The following CAPN13 variants were observed in gnomAD, a reference collection of about 807,000 sequenced individuals.
CAPN13 encodes calpain-13.
A neutral mutation model predicts 98.4 loss-of-function variants in CAPN13; 90 were observed. The observed-to-expected ratio is 0.92, with a 90% CI of 0.77 to 1.09. The LOEUF (loss-of-function observed/expected upper bound fraction) is 1.09, where lower values mean the gene tolerates loss of function less well. Among genes scored for constraint, CAPN13 ranks in the 50% least tolerant of loss-of-function variants. The pLI, the probability that CAPN13 is intolerant of heterozygous loss-of-function variation, is 0.00. For missense variants in CAPN13, 887 were observed against 841.3 expected, an observed-to-expected ratio of 1.05 and a Z score of -0.67; for synonymous variants, 330 against 305.5, an observed-to-expected ratio of 1.08 and a Z score of -0.84.
intron 5 of CAPN13, among the ~76,000 whole-genome samples, chr2:30,765,583 G>A (rs141477779): frequency 7.9e-4 from 120 of 152,298 alleles, no homozygotes; most frequent in African/African-American, 2.5e-3. Flanking sequence ...CCTGCCCTTG[G>A]CCTTTCATCT....
chr2:30,742,971 C>G (rs1468368538), intron 13 of CAPN13, among the ~76,000 whole-genome samples: 2 of 152,206 alleles, frequency 1.3e-5, no homozygotes, highest in Non-Finnish European at 2.9e-5. Flanking sequence ...CTCCAAGCAG[C>G]CCTGTGCACA....
intron 1 of CAPN13, among the ~76,000 whole-genome samples, chr2:30,798,455 C>G (rs911382866): frequency 6.6e-6 from 1 of 152,234 alleles, no homozygotes; most frequent in African/African-American, 2.4e-5. Context: ...CACTAAACCA[C>G]TCAGTGACTT....
chr2:30,731,574 C>T (rs951717166), intron 20 of CAPN13, among the ~76,000 whole-genome samples, 175 bp from the exon 21 acceptor site: 12 of 152,154 alleles, frequency 7.9e-5, no homozygotes, highest in South Asian at 2.1e-4. Context: ...GAGCTCTGCA[C>T]GGGGCGAGTG....
At chr2:30,803,694 G>A (rs184790935) in intron 1 of CAPN13, among the ~76,000 whole-genome samples, 110 of 152,268 alleles carry the variant, frequency 7.2e-4, no homozygotes, top group African/African-American at 2.6e-3. Context: ...CACCAGAGAG[G>A]GCGGCAGTGG....
intron 5 of CAPN13, among the ~76,000 whole-genome samples, chr2:30,768,318 C>T (rs920558725): frequency 6.6e-6 from 1 of 152,208 alleles, no homozygotes; most frequent in Non-Finnish European, 1.5e-5. Context: ...AAGACAGAGG[C>T]ACAAGGCCAG....
intron 1 of CAPN13, among the ~76,000 whole-genome samples, chr2:30,802,657 G>A (rs928981063): frequency 6.6e-6 from 1 of 152,042 alleles, no homozygotes; most frequent in Admixed American, 6.6e-5. Flanking sequence ...CAAGGACTGA[G>A]GGCAAGAAGG....
intron 6 of CAPN13, among the ~76,000 whole-genome samples, chr2:30,763,722 G>A (rs1672960552): frequency 6.6e-6 from 1 of 152,246 alleles, no homozygotes; most frequent in Non-Finnish European, 1.5e-5. Context: ...GTGAGCATCA[G>A]AGGGCCCTGG....
intron 5 of CAPN13, among the ~76,000 whole-genome samples, chr2:30,768,604 C>T (rs1217475450): frequency 6.6e-6 from 1 of 152,136 alleles, no homozygotes; most frequent in African/African-American, 2.4e-5. Flanking sequence ...CCGCCTTCCC[C>T]CTTCATAATA....
intron 14 of CAPN13, 39 bp from the exon 15 acceptor site, chr2:30,742,003 G>A: frequency 6.3e-7 from 1 of 1,585,250 alleles, no homozygotes; most frequent in South Asian, 1.1e-5. Context: ...AGACTTCTGG[G>A]GAAGGAGGCC....
At position 30,743,503 on chromosome 2, in the gene CAPN13, C is replaced by T. The variant is rs771712940; in HGVS notation, c.1325G>A (p.Arg442His). 1.3e-5 allele frequency: 21 copies of T among 1,613,604 alleles called. No homozygotes were observed. Among genetic ancestry groups the T allele is most frequent in the South Asian group, 3.3e-5 (3 of 91,082 alleles). The part of the protein sequence containing the change: ...NTVQSSNNKF[R>H]RNFTMTYHLS... Reference sequence around the variant, plus strand: ...ATGGTAAGTCATGGTGAAGTTGCGGCGGAATTTATTATTTGAGCTTTGGAC... The same window carrying T: ...ATGGTAAGTCATGGTGAAGTTGCGGTGGAATTTATTATTTGAGCTTTGGAC... The change falls in exon 13 of 23, where the codon CGC becomes CAC. Residue 442 changes from arginine (R) to histidine (H), a missense_variant. Transcript: ENST00000295055.
chr2:30,740,104 T>G (rs900809646), intron 15 of CAPN13, among the ~76,000 whole-genome samples: 11 of 149,076 alleles, frequency 7.4e-5, no homozygotes, highest in South Asian at 2.2e-4. Flanking sequence ...TTTTTTTTTT[T>G]TTTTTTTTGA....
At chr2:30,731,564 G>T (rs147658377) in intron 20 of CAPN13, among the ~76,000 whole-genome samples, 165 bp from the exon 21 acceptor site, 1 of 152,114 alleles carries the variant, frequency 6.6e-6, no homozygotes, top group African/African-American at 2.4e-5. Context: ...CTGTCTAGCC[G>T]AGCTCTGCAC....
chr2:30,800,910 C>T (rs1276995746), intron 1 of CAPN13, among the ~76,000 whole-genome samples: 1 of 152,182 alleles, frequency 6.6e-6, no homozygotes, highest in Non-Finnish European at 1.5e-5. Context: ...ACATGAGTCT[C>T]AGAAACACTG....
chr2:30,758,073 GCC>G lies in CAPN13; in HGVS notation c.837_838del (p.Glu279AspfsTer9). ...ATCACTCCAGCGCCCTCTCCATTCG[GCC>G]TCGCCCCAGCCCCAGGGGTTCCACA... On this transcript the variant is annotated frameshift_variant, in exon 8 of 23. Coordinates refer to ENST00000295055, the MANE Select transcript of CAPN13 (RefSeq NM_144575.3). LOFTEE classifies it high-confidence loss of function. The G allele has an allele frequency of 6.2e-7, 1 of 1,611,618 alleles. No homozygotes were observed. The highest frequency in any genetic ancestry group is 8.5e-7 in the Non-Finnish European group (1 of 1,178,966).
At chr2:30,775,782 A>G in intron 4 of CAPN13, 148 bp downstream of exon 4, 1 of 463,258 alleles carries the variant, frequency 2.2e-6, no homozygotes, top group Non-Finnish European at 3.9e-6. Flanking sequence ...TATAAGCTTG[A>G]ATCCTTTTTT....
At chr2:30,767,587 C>T (rs994956420) in intron 5 of CAPN13, among the ~76,000 whole-genome samples, 4 of 152,166 alleles carry the variant, frequency 2.6e-5, no homozygotes, top group South Asian at 2.1e-4. Context: ...GCAGTGTTTT[C>T]GTAAGAAGCT....
intron 3 of CAPN13, 117 bp downstream of exon 3, chr2:30,777,450 C>A (rs552040523): frequency 1.2e-6 from 1 of 867,694 alleles, no homozygotes; most frequent in East Asian, 2.6e-5. Context: ...AGTTTGTCCA[C>A]GGCAGCACCA....
chr2:30,786,228 G>C (rs1381611267), intron 2 of CAPN13, among the ~76,000 whole-genome samples: 1 of 152,152 alleles, frequency 6.6e-6, no homozygotes, highest in Non-Finnish European at 1.5e-5. Context: ...CATTTAATCA[G>C]TGCTCAATAA....
At position 30,758,102 on chromosome 2, in the gene CAPN13, G is replaced by T; in HGVS notation, c.810C>A (p.Ser270=). 6.2e-7 allele frequency: 1 copy of T among 1,609,704 alleles called. No homozygotes were observed. The highest frequency in any genetic ancestry group is 8.5e-7 in the Non-Finnish European group (1 of 1,178,226). ...CGCCCCAGCCCCAGGGGTTCCACAG[G>T]GAGATAATTTCTTCCCAGCCCCTTC... ...QYRRGWEEII[S]LWNPWGWGEA... is the part of the protein sequence containing the mutation. Residue 270 remains serine, a synonymous_variant, in exon 8 of 23, where the codon TCC becomes TCA. Transcript: ENST00000295055.
Sources: gnomAD v4.1 joint callset for allele counts (sites outside exome capture counted in the v4.1 genomes callset) on GRCh38, gnomAD v4.1.1 for gene constraint, MANE v1.5 for transcripts, NCBI Gene and HGNC (gene_info 2026-07-23, HGNC 2026-07-21) for gene names.